GPD1L: variants seen among roughly 807,000 people sequenced by gnomAD.
GPD1L encodes glycerol-3-phosphate dehydrogenase 1 like.
GPD1L carries 17 observed loss-of-function variants against 32.9 expected under a neutral mutation model. The observed-to-expected ratio is 0.52, with a 90% confidence interval of 0.35 to 0.78. GPD1L has a LOEUF of 0.78. Among genes scored for constraint, GPD1L ranks in the 30% least tolerant of loss-of-function variants. GPD1L has a pLI of 0.01. For synonymous variants in GPD1L, 187 were observed against 165.9 expected, an observed-to-expected ratio of 1.13 and a Z score of -0.98; for missense variants, 361 against 447.8, an observed-to-expected ratio of 0.81 and a Z score of 1.75.
intron 7 of GPD1L, among the ~76,000 whole-genome samples, chr3:32,161,928 A>G (rs10865841): frequency 0.52 from 79,582 of 151,934 alleles, 22,443 homozygotes; most frequent in African/African-American, 0.73. Flanking sequence ...GCAGAGGCCT[A>G]TTGTGCTCCC....
chr3:32,140,015 G>C (rs1047042659), intron 3 of GPD1L, among the ~76,000 whole-genome samples: 4 of 152,224 alleles, frequency 2.6e-5, no homozygotes, highest in Non-Finnish European at 5.9e-5. Context: ...GACTTCAGTG[G>C]TGTCAGTCAC....
At chr3:32,124,505 A>G (rs1489166924) in intron 1 of GPD1L, among the ~76,000 whole-genome samples, 1 of 152,278 alleles carries the variant, frequency 6.6e-6, no homozygotes, top group African/African-American at 2.4e-5. Context: ...CAGAAGAGGT[A>G]ACACTTGGGA....
At chr3:32,130,191 C>G (rs370632193) in intron 2 of GPD1L, among the ~76,000 whole-genome samples, 2 of 152,076 alleles carry the variant, frequency 1.3e-5, no homozygotes, top group East Asian at 3.9e-4. Context: ...AGCCTGCCCC[C>G]CACTTGACTG....
intron 2 of GPD1L, among the ~76,000 whole-genome samples, chr3:32,129,599 C>G (rs2125479557): frequency 6.6e-6 from 1 of 152,306 alleles, no homozygotes. Context: ...CAGATTGATT[C>G]CTGGTGGACG....
At chr3:32,110,991 G>A (rs1052201073) in intron 1 of GPD1L, among the ~76,000 whole-genome samples, 6 of 152,210 alleles carry the variant, frequency 3.9e-5, no homozygotes, top group African/African-American at 1.4e-4. Flanking sequence ...TCCGCCTTCT[G>A]AGTAGCTGGG....
At chr3:32,132,712 A>G (rs1041995538) in intron 2 of GPD1L, among the ~76,000 whole-genome samples, 3 of 152,146 alleles carry the variant, frequency 2.0e-5, no homozygotes, top group African/African-American at 4.8e-5. Flanking sequence ...CGGTCCCTGA[A>G]TGTGCATTTC....
intron 1 of GPD1L, among the ~76,000 whole-genome samples, chr3:32,119,102 C>T (rs1013320930): frequency 6.6e-6 from 1 of 152,102 alleles, no homozygotes; most frequent in African/African-American, 2.4e-5. Flanking sequence ...TCTTTGAGAC[C>T]CTGCTTTCAA....
chr3:32,111,728 C>T (rs1700249033), intron 1 of GPD1L, among the ~76,000 whole-genome samples: 1 of 151,950 alleles, frequency 6.6e-6, no homozygotes, highest in Non-Finnish European at 1.5e-5. Flanking sequence ...CATCACCCCA[C>T]AGCCTGACAT....
chr3:32,127,452 C>A (rs1700526628), intron 1 of GPD1L, among the ~76,000 whole-genome samples: 2 of 152,176 alleles, frequency 1.3e-5, no homozygotes. Context: ...CAGATGTTAA[C>A]AAATCAGGGT....
intron 7 of GPD1L, among the ~76,000 whole-genome samples, chr3:32,159,894 G>A (rs113521834): frequency 2.0e-5 from 3 of 152,238 alleles, no homozygotes; most frequent in Non-Finnish European, 4.4e-5. Context: ...TCAATGAAAG[G>A]AGCTCAATTC....
rs376724853 is a variant in GPD1L, at chr3:32,159,094, C to T, written c.837C>T (p.Phe279=). 3.6e-5 allele frequency: 58 copies of T among 1,613,342 alleles called. No homozygotes were observed. The African/African-American group carries it at 3.6e-4, about 10-fold the overall frequency. ...GGRNRRVAEA[F]ARTGKTIEEL... is the part of the protein sequence containing the mutation. Reference sequence around the variant, plus strand: ...GGAACCGCAGGGTGGCCGAGGCCTTCGCCAGAACTGGGAAGGTAGCCCCTC... The same window carrying T: ...GGAACCGCAGGGTGGCCGAGGCCTTTGCCAGAACTGGGAAGGTAGCCCCTC... The change falls in exon 6 of 8, where the codon TTC becomes TTT. Residue 279 remains phenylalanine, a synonymous_variant. Coordinates refer to ENST00000282541, the MANE Select transcript of GPD1L (RefSeq NM_015141.4).
intron 2 of GPD1L, among the ~76,000 whole-genome samples, chr3:32,129,355 G>T (rs73824547): frequency 0.091 from 13,833 of 152,260 alleles, 728 homozygotes; most frequent in African/African-American, 0.14. Context: ...ACTGAGCGGG[G>T]GAGACCGATC....
At chr3:32,150,738 G>A (rs576257920) in intron 5 of GPD1L, among the ~76,000 whole-genome samples, 7 of 152,122 alleles carry the variant, frequency 4.6e-5, no homozygotes, top group African/African-American at 9.6e-5. Context: ...TGTAATGTAC[G>A]TTTTGTAATT....
intron 1 of GPD1L, among the ~76,000 whole-genome samples, chr3:32,126,202 T>A (rs1700505416): frequency 6.6e-6 from 1 of 152,102 alleles, no homozygotes; most frequent in African/African-American, 2.4e-5. Flanking sequence ...ATCAATAAAT[T>A]AAATAAATAA....
intron 1 of GPD1L, among the ~76,000 whole-genome samples, chr3:32,118,769 C>G (rs777509005): frequency 6.6e-6 from 1 of 151,856 alleles, no homozygotes; most frequent in Non-Finnish European, 1.5e-5. Context: ...ACGACAGTTC[C>G]TCAATCCACT....
At chr3:32,133,154 G>A (rs1451459454) in intron 2 of GPD1L, among the ~76,000 whole-genome samples, 1 of 152,158 alleles carries the variant, frequency 6.6e-6, no homozygotes, top group Non-Finnish European at 1.5e-5. Flanking sequence ...ATTAGAGCCC[G>A]GCCACGATGC....
At chr3:32,165,690 A>G (rs1043060637) in intron 7 of GPD1L, 124 bp from the exon 8 acceptor site, 15 of 714,440 alleles carry the variant, frequency 2.1e-5, no homozygotes, top group Non-Finnish European at 2.9e-5. Flanking sequence ...GAATGTAGAA[A>G]GTGCTCACTG....
intron 7 of GPD1L, among the ~76,000 whole-genome samples, chr3:32,161,575 A>G (rs756994110): frequency 4.6e-5 from 7 of 152,166 alleles, no homozygotes; most frequent in African/African-American, 9.7e-5. Context: ...ACACACCCCA[A>G]GTGTGCTACC....
chr3:32,129,818 T>C (rs1373072612), intron 2 of GPD1L, among the ~76,000 whole-genome samples: 1 of 152,226 alleles, frequency 6.6e-6, no homozygotes, highest in African/African-American at 2.4e-5. Flanking sequence ...ATGGAAGGCC[T>C]GTGGGGTCAT....
Sources: allele counts gnomAD v4.1 joint callset (sites outside exome capture counted in the v4.1 genomes callset), GRCh38; gene constraint gnomAD v4.1.1; transcripts MANE v1.5; gene names NCBI Gene and HGNC (gene_info 2026-07-23, HGNC 2026-07-21).